RHBDL2: variants seen among roughly 807,000 people sequenced by gnomAD.
RHBDL2 encodes rhomboid-related protein 2.
Under a neutral mutation model 31.7 loss-of-function variants are expected in RHBDL2, and 26 were observed. That is an observed-to-expected ratio of 0.82 (90% CI 0.60 to 1.14). The LOEUF is 1.14. RHBDL2 is among the 50% of genes most tolerant of loss of function. The pLI is 0.00. For synonymous variants in RHBDL2, 123 were observed against 127.2 expected, an observed-to-expected ratio of 0.97 and a Z score of 0.22; for missense variants, 336 against 364.4, an observed-to-expected ratio of 0.92 and a Z score of 0.63.
At chr1:38,898,470 G>C (rs1327716212) in intron 4 of RHBDL2, among the ~76,000 whole-genome samples, 3 of 152,158 alleles carry the variant, frequency 2.0e-5, no homozygotes, top group Non-Finnish European at 2.9e-5. Flanking sequence ...AGGATTTGCT[G>C]TCTCACTTGA....
At chr1:38,928,314 T>C (rs1403179420) in intron 1 of RHBDL2, among the ~76,000 whole-genome samples, 1 of 151,862 alleles carries the variant, frequency 6.6e-6, no homozygotes, top group African/African-American at 2.4e-5. Flanking sequence ...GCTAATTTTT[T>C]TGTATTCTTA....
chr1:38,891,967 A>G (rs143805791), intron 6 of RHBDL2, among the ~76,000 whole-genome samples: 1 of 151,904 alleles, frequency 6.6e-6, no homozygotes, highest in African/African-American at 2.4e-5. Flanking sequence ...ACCAGTTACC[A>G]CCCCCACCTT....
In RHBDL2 at chr1:38,928,005, T is replaced by C. The variant is rs908265456; in HGVS notation, c.-125-8668A>G. Among the ~76,000 whole-genome samples, 3 of 152,142 alleles carry C rather than the reference T, an allele frequency of 2.0e-5. No individual in the cohort carries two copies. In the South Asian group the frequency reaches 6.2e-4, roughly 32 times the overall value. ...TGTGATTTCTACGCACCAAGTGTTA[T>C]AGAAAGGTACTCCTTCAACTGTGAT... On this transcript the variant is annotated intron_variant, in intron 1 of 7. Coordinates refer to ENST00000372990, the MANE Select transcript of RHBDL2 (RefSeq NM_017821.5).
chr1:38,937,335 A>G (rs964285956), intron 1 of RHBDL2, among the ~76,000 whole-genome samples: 2 of 152,120 alleles, frequency 1.3e-5, no homozygotes, highest in African/African-American at 2.4e-5. Context: ...ATCTCTCTTT[A>G]CTTGCTATCT....
chr1:38,901,118 A>C (rs1311289420), intron 4 of RHBDL2, among the ~76,000 whole-genome samples: 5 of 152,160 alleles, frequency 3.3e-5, no homozygotes, highest in African/African-American at 1.2e-4. Flanking sequence ...ACAGGAACAC[A>C]AAAATATGCA....
At chr1:38,889,365 G>A (rs1218235657) in intron 6 of RHBDL2, among the ~76,000 whole-genome samples, 5 of 152,102 alleles carry the variant, frequency 3.3e-5, no homozygotes, top group East Asian at 1.9e-4. Flanking sequence ...ACCTCCCAAA[G>A]TGCTGGGATT....
At chr1:38,901,760 C>T (rs1323130226) in intron 4 of RHBDL2, among the ~76,000 whole-genome samples, 3 of 150,594 alleles carry the variant, frequency 2.0e-5, no homozygotes, top group East Asian at 1.9e-4. Context: ...TGCTTGAACC[C>T]GGTGCAGGTT....
intron 4 of RHBDL2, among the ~76,000 whole-genome samples, chr1:38,902,208 T>C (rs1215143703): frequency 1.5e-5 from 2 of 129,420 alleles, no homozygotes; most frequent in Non-Finnish European, 3.4e-5. Flanking sequence ...TTTCTTTTTT[T>C]TTTTTTTTTT....
intron 3 of RHBDL2, among the ~76,000 whole-genome samples, chr1:38,915,214 C>T (rs1341587035): frequency 6.6e-6 from 1 of 150,988 alleles, no homozygotes; most frequent in East Asian, 2.0e-4. Flanking sequence ...CTTACTGCAA[C>T]CTCCGCCTCC....
In RHBDL2 at chr1:38,940,890, G is replaced by C. The variant is rs146154102; in HGVS notation, c.-126+792C>G. ...AGCCTGGGCAAGGTAGCAAGACCCT[G>C]TCTCTTTAAAAAAAAATTATAGCTG... On this transcript the variant is annotated intron_variant, in intron 1 of 7. Coordinates refer to ENST00000372990, the MANE Select transcript of RHBDL2 (RefSeq NM_017821.5). Among the ~76,000 whole-genome samples, 41 of 152,170 alleles carry C rather than the reference G, an allele frequency of 2.7e-4. No homozygotes were observed. In the East Asian group the frequency reaches 6.6e-3, roughly 24 times the overall value.
intron 4 of RHBDL2, among the ~76,000 whole-genome samples, chr1:38,897,850 G>C (rs7518432): frequency 0.36 from 54,752 of 152,142 alleles, 10,989 homozygotes; most frequent in Non-Finnish European, 0.45. Flanking sequence ...AGTCCAGTAG[G>C]CCGGGCACGG....
chr1:38,934,088 A>G (rs1423018721), intron 1 of RHBDL2, among the ~76,000 whole-genome samples: 1 of 152,206 alleles, frequency 6.6e-6, no homozygotes, highest in East Asian at 1.9e-4. Context: ...TGGCTGACGC[A>G]TATAATCCCA....
chr1:38,932,185 A>T (rs993275895), intron 1 of RHBDL2, among the ~76,000 whole-genome samples: 2 of 152,068 alleles, frequency 1.3e-5, no homozygotes, highest in Non-Finnish European at 2.9e-5. Context: ...AGAGCACAAA[A>T]GTAGGAGTCT....
chr1:38,898,448 G>T (rs1642946799), intron 4 of RHBDL2, among the ~76,000 whole-genome samples: 1 of 152,092 alleles, frequency 6.6e-6, no homozygotes, highest in African/African-American at 2.4e-5. Flanking sequence ...ACCATGATAA[G>T]GTCACAAGAA....
intron 4 of RHBDL2, among the ~76,000 whole-genome samples, chr1:38,909,408 A>G (rs1029002071): frequency 4.6e-5 from 7 of 152,138 alleles, no homozygotes; most frequent in Non-Finnish European, 8.8e-5. Flanking sequence ...GCTACGGTGA[A>G]TGTAAAATGG....
intron 1 of RHBDL2, among the ~76,000 whole-genome samples, chr1:38,927,478 C>T (rs1035267057): frequency 3.3e-5 from 5 of 152,102 alleles, no homozygotes; most frequent in African/African-American, 4.8e-5. Flanking sequence ...TCTGCAAGGC[C>T]GCACCACTTC....
chr1:38,908,555 T>C (rs1040070608), intron 4 of RHBDL2, among the ~76,000 whole-genome samples: 12 of 140,314 alleles, frequency 8.6e-5, no homozygotes, highest in African/African-American at 2.9e-4. Context: ...CATATATCAC[T>C]ACCCACTTAG....
rs746628555 is a variant in RHBDL2 at position 38,915,565 on chromosome 1, G to C, written c.392C>G (p.Ala131Gly). 1.9e-6 allele frequency: 3 copies of C among 1,613,952 alleles called. No homozygotes were observed. The highest frequency in any genetic ancestry group is 2.5e-6 in the Non-Finnish European group (3 of 1,179,886). Reference protein sequence around the residue: ...WRFISYMLVHAGVQHILGNLC... With the variant: ...WRFISYMLVHGGVQHILGNLC... ...GGGCTTAACTATCATTGCTTACCCAGCATGTACCAGCATGTATGAGATAAA... is the reference window on the plus strand; with the variant it reads ...GGGCTTAACTATCATTGCTTACCCACCATGTACCAGCATGTATGAGATAAA... The change falls in exon 3 of 8, where the codon GCT (alanine) becomes GGT (glycine). Residue 131 changes from alanine (A) to glycine (G), a missense_variant. Physicochemically the swap from Ala to Gly is moderately conservative, Grantham distance 60. Coordinates refer to ENST00000372990, the MANE Select transcript of RHBDL2 (RefSeq NM_017821.5).
intron 4 of RHBDL2, among the ~76,000 whole-genome samples, chr1:38,896,600 G>A (rs1233361518): frequency 6.6e-6 from 1 of 152,110 alleles, no homozygotes; most frequent in African/African-American, 2.4e-5. Context: ...CCTATGTTCA[G>A]TCAAAATACC....
Sources: gnomAD v4.1 joint callset for allele counts (sites outside exome capture counted in the v4.1 genomes callset) on GRCh38, gnomAD v4.1.1 for gene constraint, MANE v1.5 for transcripts, NCBI Gene and HGNC (gene_info 2026-07-23, HGNC 2026-07-21) for gene names.